LAMA3: variants seen among roughly 807,000 people sequenced by gnomAD.
LAMA3 encodes laminin subunit alpha-3.
LAMA3 carries 281 observed loss-of-function variants against 402.0 expected under a neutral mutation model. That is an observed-to-expected ratio of 0.70 (90% CI 0.63 to 0.77). LAMA3 has a LOEUF of 0.77. LAMA3 is among the 30% of genes least tolerant of loss of function. LAMA3 has a pLI of 0.00. For missense variants in LAMA3, 3,840 were observed against 4,215.5 expected, an observed-to-expected ratio of 0.91 and a Z score of 2.47; for synonymous variants, 1,431 against 1,558.4, an observed-to-expected ratio of 0.92 and a Z score of 1.93.
chr18:23,872,425 C>T (rs115476312), intron 38 of LAMA3, among the ~76,000 whole-genome samples: 328 of 152,322 alleles, frequency 2.2e-3, no homozygotes, highest in African/African-American at 7.3e-3. Context: ...AAAAGCACAA[C>T]GTTAGCATGA....
chr18:23,926,898 C>G (rs2082018983), intron 62 of LAMA3, among the ~76,000 whole-genome samples: 1 of 152,218 alleles, frequency 6.6e-6, no homozygotes, highest in Non-Finnish European at 1.5e-5. Context: ...AGTCCTTACT[C>G]TGTACAAAAC....
chr18:23,744,102 A>G (rs1316950), intron 2 of LAMA3, among the ~76,000 whole-genome samples: 72,875 of 152,032 alleles, frequency 0.48, 19,279 homozygotes, highest in Non-Finnish European at 0.61. Flanking sequence ...TTGGCTTAAC[A>G]TGCCTGAACC....
At chr18:23,781,511 AC>A (rs2062437677) in intron 11 of LAMA3, among the ~76,000 whole-genome samples, 1 of 152,166 alleles carries the variant, frequency 6.6e-6, no homozygotes, top group African/African-American at 2.4e-5. Flanking sequence ...GAAAATCAAG[AC>A]CCAAAAAAGC....
At chr18:23,704,309 T>G (rs1171478571) in intron 1 of LAMA3, among the ~76,000 whole-genome samples, 1 of 152,140 alleles carries the variant, frequency 6.6e-6, no homozygotes, top group Admixed American at 6.5e-5. Context: ...CGTCCAAATC[T>G]AAGACAGCAC....
intron 12 of LAMA3, among the ~76,000 whole-genome samples, chr18:23,787,920 C>T (rs1311782300): frequency 1.3e-5 from 2 of 152,062 alleles, no homozygotes; most frequent in Non-Finnish European, 2.9e-5. Context: ...TATTTTTATA[C>T]ATTCTTCTCT....
intron 68 of LAMA3, among the ~76,000 whole-genome samples, chr18:23,941,819 G>T (rs1339060549): frequency 6.6e-6 from 1 of 152,150 alleles, no homozygotes. Context: ...AACAGTTCTG[G>T]AAAGCAAATG....
chr18:23,748,272 T>C (rs2061686449), intron 3 of LAMA3, among the ~76,000 whole-genome samples: 1 of 150,776 alleles, frequency 6.6e-6, no homozygotes, highest in African/African-American at 2.4e-5. Flanking sequence ...CTACTAAAAA[T>C]ACAAAAATTA....
intron 61 of LAMA3, 150 bp downstream of exon 61, chr18:23,921,204 CATTTCGGCATG>C (rs2145310715): frequency 1.0e-6 from 1 of 990,104 alleles, no homozygotes; most frequent in African/African-American, 1.6e-5. Context: ...AAAATTTGCA[CATTTCGGCATG>C]AAATGTATAA....
At chr18:23,775,672 T>C in intron 9 of LAMA3, 120 bp from the exon 10 acceptor site, 1 of 1,175,218 alleles carries the variant, frequency 8.5e-7, no homozygotes, top group Non-Finnish European at 1.2e-6. Context: ...GCTGTGCCCT[T>C]TCAAGAATAC....
At chr18:23,803,158 T>A (rs2062896025) in intron 12 of LAMA3, among the ~76,000 whole-genome samples, 1 of 152,156 alleles carries the variant, frequency 6.6e-6, no homozygotes, top group Non-Finnish European at 1.5e-5. Context: ...GAGAAGGAAT[T>A]TCTGTATCCA....
At chr18:23,824,330 G>A in intron 20 of LAMA3, 93 bp from the exon 21 acceptor site, 1 of 1,326,940 alleles carries the variant, frequency 7.5e-7, no homozygotes, top group Non-Finnish European at 1.1e-6. Flanking sequence ...TAAACTTTTT[G>A]AGATGTAAAC....
intron 2 of LAMA3, among the ~76,000 whole-genome samples, chr18:23,736,612 C>T (rs2061479457): frequency 6.6e-6 from 1 of 151,976 alleles, no homozygotes; most frequent in South Asian, 2.1e-4. Context: ...CTCAACTAGT[C>T]CCATGTAGTT....
Position 23,689,475 on chromosome 18 carries a change from C to G in LAMA3, c.-209C>G, listed in dbSNP as rs2060535800. Reference sequence around the variant, plus strand: ...GTCAGTTCCTGATCCGGCTGGTGCCCGCTCCAGCCGCGGCAGGTTCCAGAG... The same window carrying G: ...GTCAGTTCCTGATCCGGCTGGTGCCGGCTCCAGCCGCGGCAGGTTCCAGAG... On this transcript the variant is annotated 5_prime_UTR_variant, in exon 1 of 75. Transcript: ENST00000313654. 1.0e-5 allele frequency: 4 copies of G among 394,160 alleles called. No individual in the cohort carries two copies. Among genetic ancestry groups the G allele is most frequent in the South Asian group, 1.4e-4 (1 of 7,354 alleles). The allele number at this position is 394,160 out of a possible 1,614,324, so 24.4% of individuals were successfully genotyped here.
In LAMA3 at chr18:23,903,947, A is replaced by G; in HGVS notation, c.6333A>G (p.Leu2111=). 1 of 1,612,772 alleles carries G rather than the reference A, an allele frequency of 6.2e-7. No homozygotes were observed. The highest frequency in any genetic ancestry group is 1.7e-4 in the Middle Eastern group (1 of 5,734). ...MEKSQKEYEK[L]AASLNEARQE... ...GGAAAAAATAGGAATATGAAAAATT[A>G]GCTGCCAGTTTAAATGAAGCAAGAC... Residue 2111 remains leucine (L), a synonymous_variant, in exon 50 of 75, where the codon TTA becomes TTG. Transcript: ENST00000313654.
chr18:23,795,723 TA>T lies in LAMA3; in HGVS notation c.1603+11567del, dbSNP rs758880523. ...GCTTGATCTAGGGGCTTAAAATATA[TA>T]TATTTTTTTTAATCTATAAACTCTG... On this transcript the variant is annotated intron_variant, in intron 12 of 74. Transcript: ENST00000313654. 2.1e-3 allele frequency among the ~76,000 whole-genome samples: 306 copies of T among 145,454 alleles called. 1 individual carries two copies. The highest frequency in any genetic ancestry group is 7.4e-3 in the African/African-American group (296 of 40,008).
At chr18:23,726,616 TTATTTA>T (rs1198230081) in intron 2 of LAMA3, among the ~76,000 whole-genome samples, 3 of 152,136 alleles carry the variant, frequency 2.0e-5, no homozygotes, top group South Asian at 2.1e-4. Context: ...TTATTTATTT[TTATTTA>T]TTTTTTATTT....
Position 23,775,892 on chromosome 18 carries a change from A to G in LAMA3, c.1374A>G (p.Ala458=). Residue 458 remains alanine, a synonymous_variant, in exon 10 of 75, where the codon GCA becomes GCG. Coordinates refer to ENST00000313654, the MANE Select transcript of LAMA3 (RefSeq NM_198129.4). ...NFHGDNCEKC[A]IGYYNFPFCL... ...ACGGAGACAACTGTGAGAAGTGTGCAATTGGATACTACAATTTCCCATTTT... is the reference window on the plus strand; with the variant it reads ...ACGGAGACAACTGTGAGAAGTGTGCGATTGGATACTACAATTTCCCATTTT... 6.2e-7 allele frequency: 1 copy of G among 1,614,140 alleles called. No individual in the cohort carries two copies. Among genetic ancestry groups the G allele is most frequent in the Non-Finnish European group, 8.5e-7 (1 of 1,180,014 alleles).
rs377700017 is a variant in LAMA3 at position 23,847,365 on chromosome 18, C to A, written c.3932-99C>A. The A allele has an allele frequency of 2.1e-5, 26 of 1,260,422 alleles. No individual in the cohort carries two copies. In the East Asian group the frequency reaches 2.1e-4, roughly 10 times the overall value. 78.1% of individuals were successfully genotyped at this position (1,260,422 alleles called of 1,614,324 possible). A position where few individuals can be genotyped will look rare whatever the true frequency, so the allele number is the denominator to read the frequency against. On this transcript the variant is annotated intron_variant, in intron 31 of 74. Transcript: ENST00000313654. ...TTCAGATCCAAATATTTCTCTCTGA[C>A]CCTTTGGAGGCTTCTGGAAAGCCTG...
intron 1 of LAMA3, among the ~76,000 whole-genome samples, chr18:23,708,332 C>T (rs1598618636): frequency 6.6e-6 from 1 of 152,200 alleles, no homozygotes; most frequent in Non-Finnish European, 1.5e-5. Flanking sequence ...TCTTCTTCAG[C>T]AATATCTTGG....
Sources: allele counts gnomAD v4.1 joint callset (sites outside exome capture counted in the v4.1 genomes callset), GRCh38; gene constraint gnomAD v4.1.1; transcripts MANE v1.5; gene names NCBI Gene and HGNC (gene_info 2026-07-23, HGNC 2026-07-21).